The following PMFBP1 variants were observed in gnomAD, a reference collection of about 807,000 sequenced individuals.
The protein encoded by PMFBP1 is polyamine-modulated factor 1-binding protein 1.
PMFBP1 carries 131 observed loss-of-function variants against 137.8 expected under a neutral mutation model. The observed-to-expected ratio is 0.95, with a 90% CI of 0.82 to 1.10. The LOEUF is 1.10. PMFBP1 is among the 50% of genes least tolerant of loss of function. PMFBP1 has a pLI of 0.00. For missense variants in PMFBP1, 1,199 were observed against 1,175.4 expected (o/e 1.02, Z -0.29); for synonymous variants, 490 against 450.4 (o/e 1.09, Z -1.11).
chr16:72,181,216 C>T (rs34508528), upstream of PMFBP1, among the ~76,000 whole-genome samples: 38,583 of 148,972 alleles, frequency 0.26, 5,316 homozygotes, highest in South Asian at 0.4. Flanking sequence ...TCAAGCCTGG[C>T]GACAGAGCAA....
chr16:72,164,644 T>C, intron 3 of PMFBP1, 120 bp downstream of exon 3: 2 of 1,341,292 alleles, frequency 1.5e-6, no homozygotes, highest in South Asian at 1.4e-5. Flanking sequence ...TTCTCTCTCA[T>C]TGCTTGCTTA....
the PMFBP1 span, among the ~76,000 whole-genome samples, chr16:72,187,904 C>A: frequency 6.6e-6 from 1 of 152,182 alleles, no homozygotes; most frequent in Non-Finnish European, 1.5e-5. Flanking sequence ...TATCGAGAAA[C>A]CTGCCTCACC....
the PMFBP1 span, among the ~76,000 whole-genome samples, chr16:72,189,253 A>G: frequency 6.6e-6 from 1 of 152,202 alleles, no homozygotes; most frequent in Non-Finnish European, 1.5e-5. Context: ...ACAGCTCATC[A>G]ATGCAGAACC....
intron 2 of PMFBP1, among the ~76,000 whole-genome samples, chr16:72,167,251 G>A (rs2043158570): frequency 6.6e-6 from 1 of 152,170 alleles, no homozygotes; most frequent in South Asian, 2.1e-4. Flanking sequence ...AACTGCTGCT[G>A]TCTCCGCTGA....
At chr16:72,136,333 G>A in intron 9 of PMFBP1, 115 bp downstream of exon 9, 1 of 1,205,568 alleles carries the variant, frequency 8.3e-7, no homozygotes, top group East Asian at 2.3e-5. Flanking sequence ...ATCTCACTGT[G>A]CTTGTGTTGA....
the PMFBP1 span, among the ~76,000 whole-genome samples, chr16:72,185,372 G>A: frequency 1.3e-5 from 2 of 151,752 alleles, no homozygotes; most frequent in Non-Finnish European, 2.9e-5. Flanking sequence ...TACGTTTCCC[G>A]CCAGAGCTCT....
At chr16:72,207,054 T>C in the PMFBP1 span, among the ~76,000 whole-genome samples, 1 of 142,626 alleles carries the variant, frequency 7.0e-6, no homozygotes, top group Non-Finnish European at 1.6e-5. Flanking sequence ...GGTCAGATGG[T>C]AGAGAGGCTT....
chr16:72,224,651 C>T, the PMFBP1 span: 9 of 152,588 alleles, frequency 5.9e-5, no homozygotes, highest in Admixed American at 5.2e-4. Context: ...CTTCAAACAC[C>T]AGCCCAAATG....
At chr16:72,159,705 G>T (rs903922686) in intron 3 of PMFBP1, among the ~76,000 whole-genome samples, 1 of 151,984 alleles carries the variant, frequency 6.6e-6, no homozygotes, top group African/African-American at 2.4e-5. Flanking sequence ...AATAGAAAAA[G>T]ACACGCTATG....
chr16:72,140,843 C>A (rs1441632283), intron 5 of PMFBP1, among the ~76,000 whole-genome samples: 1 of 151,500 alleles, frequency 6.6e-6, no homozygotes, highest in East Asian at 1.9e-4. Context: ...TGATGACAAT[C>A]CATGTTACCA....
At chr16:72,223,481 C>T in the PMFBP1 span, among the ~76,000 whole-genome samples, 2 of 152,200 alleles carry the variant, frequency 1.3e-5, no homozygotes, top group African/African-American at 2.4e-5. Context: ...ATGGCCCTAA[C>T]AGTTGTTTAC....
the PMFBP1 span, among the ~76,000 whole-genome samples, chr16:72,186,060 G>T: frequency 6.6e-6 from 1 of 152,164 alleles, no homozygotes; most frequent in Non-Finnish European, 1.5e-5. Flanking sequence ...GCTAGGAGGG[G>T]TCCACCCATC....
intron 9 of PMFBP1, among the ~76,000 whole-genome samples, chr16:72,135,268 C>T (rs1408879545): frequency 6.6e-6 from 1 of 151,952 alleles, no homozygotes; most frequent in African/African-American, 2.4e-5. Flanking sequence ...CCTCCCCTCC[C>T]GGCTTCAAGC....
the PMFBP1 span, among the ~76,000 whole-genome samples, chr16:72,221,970 G>A: frequency 2.0e-5 from 3 of 152,166 alleles, no homozygotes; most frequent in Admixed American, 6.5e-5. Context: ...CAGGCACTTT[G>A]CCGGGCTCAG....
At chr16:72,140,319 A>C (rs1194222967) in intron 6 of PMFBP1, 93 bp downstream of exon 6, 4 of 1,322,378 alleles carry the variant, frequency 3.0e-6, no homozygotes, top group Non-Finnish European at 3.2e-6. Context: ...CTCGGCGAAA[A>C]AGATTAATTT....
Position 72,125,249 on chromosome 16 carries a change from T to C in PMFBP1, c.2410A>G (p.Ser804Gly). The C allele has an allele frequency of 1.2e-6, 2 of 1,613,346 alleles. No individual in the cohort carries two copies. Among genetic ancestry groups the C allele is most frequent in the South Asian group, 2.2e-5 (2 of 90,944 alleles). The stretch of plus-strand genomic sequence containing the variant: ...TGGCAGCTCCTCACCTCCAGCTCAC[T>C]CTCCTGGTGGAAGCCCCGCAGTTTT... ...LRKLRGFHQESELEVHAFDKK... is the reference protein window; with the variant it reads ...LRKLRGFHQEGELEVHAFDKK... The change falls in exon 16 of 21, where the codon AGT (serine) becomes GGT (glycine). Residue 804 changes from serine to glycine, a missense_variant. Ser to Gly is a moderately conservative substitution (Grantham distance 56, BLOSUM62 0). Coordinates refer to ENST00000237353, the MANE Select transcript of PMFBP1 (RefSeq NM_031293.3).
chr16:72,187,075 T>C, the PMFBP1 span, among the ~76,000 whole-genome samples: 1 of 146,008 alleles, frequency 6.8e-6, no homozygotes, highest in African/African-American at 2.6e-5. Context: ...ATTACACCAC[T>C]GCACTCCAGG....
downstream of PMFBP1, among the ~76,000 whole-genome samples, chr16:72,118,054 A>G (rs548544605): frequency 2.0e-4 from 30 of 152,382 alleles, no homozygotes; most frequent in African/African-American, 6.5e-4. Flanking sequence ...GGAAAGATGT[A>G]CAACATTCAA....
At chr16:72,241,300 T>C in the PMFBP1 span, among the ~76,000 whole-genome samples, 1 of 152,208 alleles carries the variant, frequency 6.6e-6, no homozygotes, top group Admixed American at 6.5e-5. Context: ...GTAATGAGGA[T>C]AGCATTTCCC....
Sources: gnomAD v4.1 joint callset for allele counts (sites outside exome capture counted in the v4.1 genomes callset) on GRCh38, gnomAD v4.1.1 for gene constraint, MANE v1.5 for transcripts, NCBI Gene and HGNC (gene_info 2026-07-23, HGNC 2026-07-21) for gene names.